The following ST18 variants were observed in gnomAD, a reference collection of about 807,000 sequenced individuals.
ST18 encodes the protein suppression of tumorigenicity 18 protein.
A neutral mutation model predicts 110.0 loss-of-function variants in ST18; 50 were observed. The observed-to-expected ratio is 0.45, with a 90% CI of 0.36 to 0.58. ST18 has a LOEUF of 0.58. Among genes scored for constraint, ST18 ranks in the 20% least tolerant of loss-of-function variants. ST18 has a pLI of 0.00. For synonymous variants in ST18, 461 were observed against 452.4 expected (o/e 1.02, Z -0.24); for missense variants, 1,306 against 1,280.1 (o/e 1.02, Z -0.31).
At chr8:52,369,469 T>C (rs10958316) in intron 2 of ST18, among the ~76,000 whole-genome samples, 149,889 of 152,320 alleles carry the variant, frequency 0.98, 73,795 homozygotes, top group Middle Eastern at 1. Context: ...CCCTTGGTAT[T>C]ATTGAGCAAA....
intron 6 of ST18, among the ~76,000 whole-genome samples, chr8:52,216,144 T>C (rs1014093028): frequency 2.0e-5 from 3 of 152,196 alleles, no homozygotes; most frequent in African/African-American, 7.2e-5. Flanking sequence ...AGAGTGCCAG[T>C]GGACACAAAT....
chr8:52,327,901 A>G (rs777882615), intron 2 of ST18, among the ~76,000 whole-genome samples: 2 of 152,224 alleles, frequency 1.3e-5, no homozygotes, highest in African/African-American at 2.4e-5. Flanking sequence ...AAAACTCAAT[A>G]GGAGACTCAG....
chr8:52,365,697 G>C (rs776616601), intron 2 of ST18, among the ~76,000 whole-genome samples: 3 of 151,436 alleles, frequency 2.0e-5, no homozygotes, highest in Non-Finnish European at 4.4e-5. Context: ...TTTTGGGTTT[G>C]GGGGGTGGGG....
chr8:52,217,483 T>C (rs2084797003), intron 6 of ST18, among the ~76,000 whole-genome samples: 1 of 152,108 alleles, frequency 6.6e-6, no homozygotes, highest in Non-Finnish European at 1.5e-5. Context: ...TAATTCTTAA[T>C]AATGCCATGA....
At chr8:52,140,547 T>C (rs1228996776) in intron 17 of ST18, among the ~76,000 whole-genome samples, 1 of 147,354 alleles carries the variant, frequency 6.8e-6, no homozygotes, top group Non-Finnish European at 1.5e-5. Flanking sequence ...AGATGATAGA[T>C]GATAGATAGA....
At chr8:52,261,543 T>G (rs1166324134) in intron 2 of ST18, among the ~76,000 whole-genome samples, 1 of 152,212 alleles carries the variant, frequency 6.6e-6, no homozygotes, top group Non-Finnish European at 1.5e-5. Flanking sequence ...GATAATCAGA[T>G]TTTACGATTC....
chr8:52,130,106 GAAAGAAAGAAAGA>G (rs776788470), intron 22 of ST18, among the ~76,000 whole-genome samples: 37 of 71,944 alleles, frequency 5.1e-4, no homozygotes, highest in Non-Finnish European at 7.1e-4. Flanking sequence ...AAGAAAGAAA[GAAAGAAAGAAAGA>G]AAAGAAAGAA....
At chr8:52,133,428 G>GA in intron 19 of ST18, 127 bp from the exon 20 acceptor site, 1 of 1,093,868 alleles carries the variant, frequency 9.1e-7, no homozygotes, top group Non-Finnish European at 1.4e-6. Context: ...CACGTGGAGG[G>GA]AGGCGGGGTC....
At chr8:52,197,405 G>A (rs1186459419) in intron 8 of ST18, among the ~76,000 whole-genome samples, 1 of 152,108 alleles carries the variant, frequency 6.6e-6, no homozygotes, top group Non-Finnish European at 1.5e-5. Flanking sequence ...TAATGAAAAC[G>A]ATCTCATTTA....
chr8:52,182,887 TA>T (rs1461756788), intron 8 of ST18, among the ~76,000 whole-genome samples: 1 of 152,016 alleles, frequency 6.6e-6, no homozygotes, highest in African/African-American at 2.4e-5. Flanking sequence ...GGATGGTTAA[TA>T]AAAAAATTGG....
At chr8:52,377,575 G>T (rs766996145) in intron 2 of ST18, among the ~76,000 whole-genome samples, 10 of 152,268 alleles carry the variant, frequency 6.6e-5, no homozygotes, top group Non-Finnish European at 1.5e-4. Flanking sequence ...CAGTTAAAAT[G>T]GCTTTTATTC....
At chr8:52,242,757 A>G (rs1372154915) in intron 2 of ST18, among the ~76,000 whole-genome samples, 1 of 151,984 alleles carries the variant, frequency 6.6e-6, no homozygotes, top group Non-Finnish European at 1.5e-5. Flanking sequence ...AATCCTAGCT[A>G]CTTGGGAGGG....
chr8:52,369,058 G>A lies in ST18; in HGVS notation c.-465+40270C>T, dbSNP rs530630228. Among the ~76,000 whole-genome samples, 4 of 152,186 alleles carry A rather than the reference G, an allele frequency of 2.6e-5. No individual in the cohort carries two copies. In the East Asian group the frequency reaches 7.7e-4, roughly 29 times the overall value. On this transcript the variant is annotated intron_variant, in intron 2 of 25. Transcript: ENST00000689386. Reference sequence around the variant, plus strand: ...TAGCAATCACGTTTGCTAAAAAAAGGAAAAACAGATTCTAGTGACCGAAAG... The same window carrying A: ...TAGCAATCACGTTTGCTAAAAAAAGAAAAAACAGATTCTAGTGACCGAAAG...
intron 2 of ST18, among the ~76,000 whole-genome samples, chr8:52,294,067 T>C (rs1421606447): frequency 6.6e-6 from 1 of 152,146 alleles, no homozygotes; most frequent in Non-Finnish European, 1.5e-5. Context: ...AAGCGACCAG[T>C]GAGTCCAGGG....
At chr8:52,158,510 T>G (rs1286000640) in intron 15 of ST18, among the ~76,000 whole-genome samples, 1 of 152,242 alleles carries the variant, frequency 6.6e-6, no homozygotes, top group Non-Finnish European at 1.5e-5. Context: ...TCTTACCTTC[T>G]TTGATTTGCA....
chr8:52,406,513 G>C (rs926639172), intron 2 of ST18: 6 of 152,358 alleles, frequency 3.9e-5, no homozygotes, highest in Admixed American at 1.3e-4. Flanking sequence ...GTAAGAGTTT[G>C]GGGCCCTAGG....
At position 52,195,760 on chromosome 8, in the gene ST18, A is replaced by C. The variant is rs567249295; in HGVS notation, c.87-15448T>G. ...TAAATAAATGTATAGAATTGAGTTT[A>C]AAGTGCCTCAATTTTACCTTAACTA... On this transcript the variant is annotated intron_variant, in intron 8 of 25. Transcript: ENST00000689386. 7.2e-5 allele frequency among the ~76,000 whole-genome samples: 11 copies of C among 152,332 alleles called. No individual in the cohort carries two copies. The South Asian group carries it at 2.3e-3, about 32-fold the overall frequency.
intron 2 of ST18, among the ~76,000 whole-genome samples, chr8:52,367,133 G>A (rs773373519): frequency 2.0e-5 from 3 of 152,062 alleles, no homozygotes; most frequent in Non-Finnish European, 2.9e-5. Flanking sequence ...TCGGGAGGCT[G>A]AGGCACCAGA....
At chr8:52,284,920 TTC>T (rs2095443350) in intron 2 of ST18, among the ~76,000 whole-genome samples, 1 of 152,140 alleles carries the variant, frequency 6.6e-6, no homozygotes, top group Non-Finnish European at 1.5e-5. Context: ...TTTATTTCCC[TTC>T]TATATTCTGT....
Sources: gnomAD v4.1 joint callset for allele counts (sites outside exome capture counted in the v4.1 genomes callset) on GRCh38, gnomAD v4.1.1 for gene constraint, MANE v1.5 for transcripts, NCBI Gene and HGNC (gene_info 2026-07-23, HGNC 2026-07-21) for gene names.